The following PLIN1 variants were observed in gnomAD, a reference collection of about 807,000 sequenced individuals.
PLIN1 encodes perilipin 1.
A neutral mutation model predicts 45.8 loss-of-function variants in PLIN1; 37 were observed. That is an observed-to-expected ratio of 0.81 (90% CI 0.62 to 1.06). PLIN1 has a LOEUF of 1.06. PLIN1 is among the 50% of genes least tolerant of loss of function. The pLI is 0.00. For synonymous variants in PLIN1, 340 were observed against 309.2 expected, an observed-to-expected ratio of 1.10 and a Z score of -1.05; for missense variants, 776 against 716.5, an observed-to-expected ratio of 1.08 and a Z score of -0.95.
rs757249181 is a variant in PLIN1, at chr15:89,667,055, C to T, written c.1090G>A (p.Val364Met). ...GCAGGGGCTGGTGTGAGGTGCAGCACCCTCCCTGCCATGCCCAGCACAGCT... is the reference window on the plus strand; with the variant it reads ...GCAGGGGCTGGTGTGAGGTGCAGCATCCTCCCTGCCATGCCCAGCACAGCT... ...PAAVLGMAGR[V>M]LHLTPAPAVS... Residue 364 changes from valine to methionine, a missense_variant, in exon 8 of 9, where the codon GTG becomes ATG. Transcript: ENST00000300055. The T allele has an allele frequency of 8.7e-6, 14 of 1,614,016 alleles. No homozygotes were observed. In the Admixed American group the frequency reaches 1.7e-4, roughly 19 times the overall value.
At position 89,670,035 on chromosome 15, in the gene PLIN1, C is replaced by A. The variant is rs778378830; in HGVS notation, c.543G>T (p.Leu181Phe). 1 of 1,613,854 alleles carries A rather than the reference C, an allele frequency of 6.2e-7. No homozygotes were observed. The highest frequency in any genetic ancestry group is 8.5e-7 in the Non-Finnish European group (1 of 1,179,924). Residue 181 changes from leucine (L) to phenylalanine (F), a missense_variant, in exon 5 of 9, where the codon TTG becomes TTT. Leu to Phe is a conservative substitution (Grantham distance 22, BLOSUM62 0). Coordinates refer to ENST00000300055, the MANE Select transcript of PLIN1 (RefSeq NM_002666.5). ...ACTCCACCACCTTCTCAATGCTGCC[C>A]AAGGCCAAGTCGGCCCCTCCAGAAG... ...RLASGGADLA[L>F]GSIEKVVEYL...
In PLIN1 at chr15:89,670,155, C is replaced by CT; in HGVS notation, c.422dup (p.Val142GlyfsTer44). 1 of 1,614,180 alleles carries CT rather than the reference C, an allele frequency of 6.2e-7. No homozygotes were observed. On this transcript the variant is annotated frameshift_variant, in exon 5 of 9. Coordinates refer to ENST00000300055, the MANE Select transcript of PLIN1 (RefSeq NM_002666.5). LOFTEE classifies it high-confidence loss of function. ...ACCCGGCCAAAGCGGCCCCCAGGAC[C>CT]TTGTCTGAAGTGCTCGCGATGGGAA...
chr15:89,664,730 C>G lies in PLIN1; in HGVS notation c.*853G>C, dbSNP rs1596037329. 1 of 401,126 alleles carries G rather than the reference C, an allele frequency of 2.5e-6. No individual in the cohort carries two copies. Among genetic ancestry groups the G allele is most frequent in the Non-Finnish European group, 5.0e-6 (1 of 199,274 alleles). The allele number at this position is 401,126 out of a possible 1,614,324, so 24.8% of individuals were successfully genotyped here. ...AGGGGAGCTCGGGGAGAAAGACACA[C>G]ATCCTTTTGCAATATTTGAATTCTG... is the stretch of plus-strand genomic sequence containing the variant. On this transcript the variant is annotated 3_prime_UTR_variant, in exon 9 of 9. Coordinates refer to ENST00000300055, the MANE Select transcript of PLIN1 (RefSeq NM_002666.5).
intron 6 of PLIN1, among the ~76,000 whole-genome samples, chr15:89,669,128 C>G (rs1964396252): frequency 1.3e-5 from 2 of 152,126 alleles, no homozygotes; most frequent in African/African-American, 4.8e-5. Context: ...CTAGTGCTTG[C>G]ATAGCAGATG....
At chr15:89,676,866 A>G (rs538032723) in intron 2 of PLIN1, 3 of 157,840 alleles carry the variant, frequency 1.9e-5, no homozygotes, top group African/African-American at 7.2e-5. Context: ...TTTAAGTTTC[A>G]CTATCCGAAC....
chr15:89,678,514 A>C lies in PLIN1; in HGVS notation c.-15+737T>G, dbSNP rs559462944. Among the ~76,000 whole-genome samples the C allele has an allele frequency of 1.6e-4, 24 of 152,126 alleles. No homozygotes were observed. The East Asian group carries it at 4.5e-3, about 29-fold the overall frequency. ...GACAGAGGGAGACTCTGTCTCAAAA[A>C]AAAAAAGGAGTTCAGGTTAGGAAAT... is the stretch of plus-strand genomic sequence containing the variant. On this transcript the variant is annotated intron_variant, in intron 1 of 8. Coordinates refer to ENST00000300055, the MANE Select transcript of PLIN1 (RefSeq NM_002666.5).
intron 8 of PLIN1, among the ~76,000 whole-genome samples, chr15:89,666,432 C>G (rs1964341806): frequency 6.6e-6 from 1 of 152,198 alleles, no homozygotes; most frequent in Admixed American, 6.5e-5. Context: ...CCTGCATAAT[C>G]TGTAACCTGC....
In PLIN1 at chr15:89,665,601, C is replaced by T. The variant is rs1168613712; in HGVS notation, c.1551G>A (p.Gln517=). The T allele has an allele frequency of 5.2e-6, 8 of 1,530,770 alleles. No homozygotes were observed. Among genetic ancestry groups the T allele is most frequent in the Non-Finnish European group, 7.0e-6 (8 of 1,141,142 alleles). 94.8% of individuals were successfully genotyped at this position (1,530,770 alleles called of 1,614,324 possible). The part of the protein sequence containing the change: ...EPILGRTHYS[Q]LRKKS ...CGGCGACTCAGCTCTTCTTGCGCAG[C>T]TGGCTGTAATGCGTGCGGCCCAGGA... The change falls in exon 9 of 9, where the codon CAG becomes CAA. Residue 517 remains glutamine (Q), a synonymous_variant. Transcript: ENST00000300055.
At chr15:89,678,552 T>C (rs1263312989) in intron 1 of PLIN1, among the ~76,000 whole-genome samples, 5 of 151,110 alleles carry the variant, frequency 3.3e-5, no homozygotes, top group Non-Finnish European at 4.4e-5. Flanking sequence ...AAAATGCAGG[T>C]AGCCATAAGA....
At chr15:89,677,361 T>C in intron 2 of PLIN1, 84 bp downstream of exon 2, 1 of 1,081,718 alleles carries the variant, frequency 9.2e-7, no homozygotes, top group East Asian at 2.4e-5. Flanking sequence ...TATCTTGCTC[T>C]AAGTCCCCTG....
chr15:89,669,479 G>C (rs1391181068), intron 6 of PLIN1, 21 bp downstream of exon 6: 2 of 1,605,616 alleles, frequency 1.2e-6, no homozygotes, highest in African/African-American at 1.3e-5. Context: ...GGGTCAGTCA[G>C]AGCTCACGGC....
chr15:89,672,285 C>A (rs998775293), intron 3 of PLIN1, among the ~76,000 whole-genome samples: 1 of 152,254 alleles, frequency 6.6e-6, no homozygotes, highest in Admixed American at 6.5e-5. Flanking sequence ...GCCGGGACAT[C>A]GGCTCTGCAG....
At chr15:89,677,211 C>A in intron 2 of PLIN1, 1 of 585,230 alleles carries the variant, frequency 1.7e-6, no homozygotes, top group Non-Finnish European at 3.1e-6. Context: ...GGATTTCTGT[C>A]CCTTTTTTTC....
intron 2 of PLIN1, among the ~76,000 whole-genome samples, chr15:89,675,875 C>A (rs1964507953): frequency 6.6e-6 from 1 of 152,072 alleles, no homozygotes; most frequent in Non-Finnish European, 1.5e-5. Flanking sequence ...TGGAAATGGC[C>A]TACCTGGGAT....
intron 1 of PLIN1, among the ~76,000 whole-genome samples, chr15:89,678,570 A>G (rs1181161580): frequency 6.6e-6 from 1 of 152,060 alleles, no homozygotes; most frequent in African/African-American, 2.4e-5. Flanking sequence ...AGAGATAAAA[A>G]GTTTTAGATA....
chr15:89,670,997 G>C (rs1964430718), intron 4 of PLIN1, among the ~76,000 whole-genome samples: 2 of 152,150 alleles, frequency 1.3e-5, no homozygotes, highest in South Asian at 4.1e-4. Flanking sequence ...TTCCCCAGAA[G>C]CACCAAAAAT....
intron 4 of PLIN1, 149 bp downstream of exon 4, chr15:89,671,333 T>C (rs1252144296): frequency 9.2e-6 from 6 of 651,310 alleles, no homozygotes; most frequent in South Asian, 7.4e-5. Flanking sequence ...TTGTGTGGCC[T>C]TGGGAGCAGG....
chr15:89,674,066 C>T (rs4932138), intron 2 of PLIN1, among the ~76,000 whole-genome samples: 80,297 of 152,022 alleles, frequency 0.53, 22,573 homozygotes, highest in Non-Finnish European at 0.65. Context: ...CTGTCATCTC[C>T]GCATCCCCAG....
Position 89,665,880 on chromosome 15 carries a change from G to C in PLIN1, c.1272C>G (p.Ala424=). The change falls in exon 9 of 9, where the codon GCC becomes GCG. Residue 424 remains alanine, a synonymous_variant. Coordinates refer to ENST00000300055, the MANE Select transcript of PLIN1 (RefSeq NM_002666.5). ...SEFRDIDNPP[A]EVERREAERR... ...GCTCCGCCTCCCGGCGCTCGACCTCGGCTGGTGGGTTGTCGATGTCCCGGA... is the reference window on the plus strand; with the variant it reads ...GCTCCGCCTCCCGGCGCTCGACCTCCGCTGGTGGGTTGTCGATGTCCCGGA... The C allele has an allele frequency of 6.6e-7, 1 of 1,521,948 alleles. No homozygotes were observed. Among genetic ancestry groups the C allele is most frequent in the Non-Finnish European group, 8.8e-7 (1 of 1,142,836 alleles). The allele number at this position is 1,521,948 out of a possible 1,614,324, so 94.3% of individuals were successfully genotyped here.
Sources: gnomAD v4.1 joint callset for allele counts (sites outside exome capture counted in the v4.1 genomes callset) on GRCh38, gnomAD v4.1.1 for gene constraint, MANE v1.5 for transcripts, NCBI Gene and HGNC (gene_info 2026-07-23, HGNC 2026-07-21) for gene names.